IFT43: variants seen among roughly 807,000 people sequenced by gnomAD.
IFT43 encodes intraflagellar transport 43, also known as intraflagellar transport protein 43 homolog.
A neutral mutation model predicts 32.3 loss-of-function variants in IFT43; 33 were observed. The observed-to-expected ratio is 1.02, with a 90% confidence interval of 0.77 to 1.37. The LOEUF is 1.37. Ranked by LOEUF, IFT43 falls within the 40% of genes most tolerant of loss-of-function variation. The pLI is 0.00. For missense variants in IFT43, 274 were observed against 265.9 expected (o/e 1.03, Z -0.21); for synonymous variants, 93 against 98.2 (o/e 0.95, Z 0.31).
chr14:76,082,376 A>G lies in IFT43; in HGVS notation c.368+9A>G. The G allele has an allele frequency of 6.5e-7, 1 of 1,546,834 alleles. No individual in the cohort carries two copies. Among genetic ancestry groups the G allele is most frequent in the Non-Finnish European group, 8.9e-7 (1 of 1,118,528 alleles). The stretch of plus-strand genomic sequence containing the variant: ...GTGGCAGCCCCTCCCAGGTAGGTTA[A>G]ATCAGATATGATTGGGGAGGCAAAG... On this transcript the variant is annotated intron_variant, in intron 6 of 8. Transcript: ENST00000314067.
At chr14:76,038,657 C>T (rs2036648739) in intron 3 of IFT43, among the ~76,000 whole-genome samples, 1 of 152,092 alleles carries the variant, frequency 6.6e-6, no homozygotes, top group South Asian at 2.1e-4. Flanking sequence ...AGATGTTCAG[C>T]AAGATTTGAA....
At chr14:76,039,083 C>T (rs568704434) in intron 3 of IFT43, among the ~76,000 whole-genome samples, 8 of 151,684 alleles carry the variant, frequency 5.3e-5, no homozygotes, top group South Asian at 2.1e-4. Flanking sequence ...AGCACAGGCA[C>T]GCAGGTCTAA....
At chr14:75,987,159 G>A (rs1162659347) in intron 1 of IFT43, among the ~76,000 whole-genome samples, 1 of 152,174 alleles carries the variant, frequency 6.6e-6, no homozygotes, top group Non-Finnish European at 1.5e-5. Context: ...ACAGCATTTA[G>A]CGACAAGATC....
intron 3 of IFT43, among the ~76,000 whole-genome samples, chr14:76,050,392 A>ATTTGGATGTGGTGGGAGGG (rs1215321421): frequency 6.9e-4 from 105 of 151,128 alleles, no homozygotes; most frequent in South Asian, 1.5e-3. Context: ...TGGTGGGAGT[A>ATTTGGATGTGGTGGGAGGG]TTTGGATGTG....
At position 76,072,587 on chromosome 14, in the gene IFT43, G is replaced by T. The variant is rs1224640891; in HGVS notation, c.296-9708G>T. 2.0e-5 allele frequency among the ~76,000 whole-genome samples: 3 copies of T among 152,196 alleles called. No homozygotes were observed. In the East Asian group the frequency reaches 5.8e-4, roughly 29 times the overall value. Reference sequence around the variant, plus strand: ...TGTGAAGAATGAAAATGGAAGTCTTGTGCACGCGTGCATGTTTTAAACGAA... The same window carrying T: ...TGTGAAGAATGAAAATGGAAGTCTTTTGCACGCGTGCATGTTTTAAACGAA... On this transcript the variant is annotated intron_variant, in intron 5 of 8. Transcript: ENST00000314067.
At chr14:76,072,634 C>G (rs1389954204) in intron 5 of IFT43, among the ~76,000 whole-genome samples, 1 of 152,122 alleles carries the variant, frequency 6.6e-6, no homozygotes, top group East Asian at 1.9e-4. Context: ...TAACCTTCCT[C>G]CAGGAACACA....
intron 5 of IFT43, among the ~76,000 whole-genome samples, chr14:76,072,140 C>T (rs2037332730): frequency 6.6e-6 from 1 of 152,200 alleles, no homozygotes; most frequent in Non-Finnish European, 1.5e-5. Context: ...GAAGCAGAAT[C>T]TTCAGGTTTG....
chr14:76,007,397 G>C (rs912321857), intron 2 of IFT43, among the ~76,000 whole-genome samples: 3 of 152,174 alleles, frequency 2.0e-5, no homozygotes, highest in Admixed American at 6.5e-5. Flanking sequence ...CCAGCCCATG[G>C]GTTAATGCTT....
intron 5 of IFT43, among the ~76,000 whole-genome samples, chr14:76,065,319 A>G (rs1373183070): frequency 6.6e-6 from 1 of 152,180 alleles, no homozygotes; most frequent in African/African-American, 2.4e-5. Context: ...CTCAAAACAA[A>G]TCAGTAGGAA....
intron 1 of IFT43, 89 bp downstream of exon 1, chr14:75,985,929 A>G: frequency 6.4e-7 from 1 of 1,561,938 alleles, no homozygotes; most frequent in African/African-American, 1.4e-5. Flanking sequence ...GAGGCGACTC[A>G]GGGCGGCAGG....
chr14:76,079,270 A>C (rs1313907794), intron 5 of IFT43, among the ~76,000 whole-genome samples: 4 of 152,232 alleles, frequency 2.6e-5, no homozygotes, highest in African/African-American at 9.6e-5. Flanking sequence ...AATGGCCATC[A>C]CTGGGCAGGA....
intron 3 of IFT43, among the ~76,000 whole-genome samples, chr14:76,030,635 T>C (rs1566716158): frequency 2.0e-5 from 3 of 152,206 alleles, no homozygotes. Context: ...ACAAACTTCC[T>C]AAGTAAAACT....
At chr14:76,076,325 A>C (rs1197340094) in intron 5 of IFT43, among the ~76,000 whole-genome samples, 1 of 152,242 alleles carries the variant, frequency 6.6e-6, no homozygotes, top group African/African-American at 2.4e-5. Context: ...GACTTTATGT[A>C]GTTCTCTAGA....
chr14:75,987,665 T>C (rs910821596), intron 1 of IFT43, among the ~76,000 whole-genome samples: 1 of 152,222 alleles, frequency 6.6e-6, no homozygotes, highest in Non-Finnish European at 1.5e-5. Context: ...ATGCTGTTTT[T>C]TTTAAACAAA....
intron 2 of IFT43, among the ~76,000 whole-genome samples, chr14:75,999,281 A>ATTTT (rs371670856): frequency 3.6e-4 from 14 of 39,062 alleles, no homozygotes; most frequent in African/African-American, 8.4e-4. Flanking sequence ...ATGTATATAT[A>ATTTT]TTTTTTTTTT....
At chr14:75,986,043 A>C (rs1456153660) in intron 1 of IFT43, 6 of 1,518,476 alleles carry the variant, frequency 4.0e-6, no homozygotes, top group Non-Finnish European at 5.3e-6. Context: ...GCTTTCTTTA[A>C]AATCCTCAGA....
chr14:76,016,560 A>C (rs1045592545), intron 2 of IFT43, among the ~76,000 whole-genome samples: 5 of 152,064 alleles, frequency 3.3e-5, no homozygotes, highest in African/African-American at 1.2e-4. Flanking sequence ...GTCCCATATA[A>C]ATTTTAGGGT....
intron 2 of IFT43, among the ~76,000 whole-genome samples, chr14:76,005,798 TCTC>T (rs1413778233): frequency 2.6e-5 from 4 of 152,234 alleles, no homozygotes; most frequent in African/African-American, 9.6e-5. Context: ...AAGGATAAAA[TCTC>T]CTTCAGTTTC....
At chr14:76,069,233 T>C (rs1223014657) in intron 5 of IFT43, among the ~76,000 whole-genome samples, 3 of 152,056 alleles carry the variant, frequency 2.0e-5, no homozygotes, top group Non-Finnish European at 4.4e-5. Flanking sequence ...CCACACACTT[T>C]TAAAACAACC....
Sources: allele counts gnomAD v4.1 joint callset (sites outside exome capture counted in the v4.1 genomes callset), GRCh38; gene constraint gnomAD v4.1.1; transcripts MANE v1.5; gene names NCBI Gene and HGNC (gene_info 2026-07-23, HGNC 2026-07-21).